The following OLFML2A variants were observed in gnomAD, a reference collection of about 807,000 sequenced individuals.
OLFML2A encodes the protein olfactomedin like 2A.
OLFML2A carries 47 observed loss-of-function variants against 60.9 expected under a neutral mutation model. The observed-to-expected ratio is 0.77, with a 90% CI of 0.61 to 0.98. The LOEUF (loss-of-function observed/expected upper bound fraction) is 0.98. Among genes scored for constraint, OLFML2A ranks in the 50% least tolerant of loss-of-function variants. OLFML2A has a pLI of 0.00. For missense variants in OLFML2A, 922 were observed against 879.8 expected, an observed-to-expected ratio of 1.05 and a Z score of -0.61; for synonymous variants, 372 against 375.0, an observed-to-expected ratio of 0.99 and a Z score of 0.09.
At chr9:124,805,800 T>G (rs1278143350) in intron 6 of OLFML2A, among the ~76,000 whole-genome samples, 1 of 138,728 alleles carries the variant, frequency 7.2e-6, no homozygotes, top group Non-Finnish European at 1.5e-5. Flanking sequence ...GTTGTTTTGG[T>G]TTTTTTGGTT....
chr9:124,808,081 C>T (rs1369803318), intron 7 of OLFML2A, 115 bp downstream of exon 7: 3 of 785,312 alleles, frequency 3.8e-6, no homozygotes, highest in East Asian at 5.2e-5. Flanking sequence ...GCTGGTTGAG[C>T]TCCAGATTGT....
At chr9:124,804,420 C>A (rs1841849572) in intron 6 of OLFML2A, 78 bp downstream of exon 6, 2 of 1,385,778 alleles carry the variant, frequency 1.4e-6, no homozygotes. Context: ...GTGAAGCCCT[C>A]AAGTTAAGAA....
intron 2 of OLFML2A, among the ~76,000 whole-genome samples, chr9:124,787,968 G>T (rs1212422684): frequency 6.6e-6 from 1 of 152,074 alleles, no homozygotes; most frequent in African/African-American, 2.4e-5. Context: ...CTCACATAAT[G>T]ATGGGCAGCC....
chr9:124,804,303 C>A lies in OLFML2A; in HGVS notation c.1129C>A (p.Pro377Thr), dbSNP rs138399306. Residue 377 changes from proline to threonine, a missense_variant, in exon 6 of 8, where the codon CCC becomes ACC. By Grantham distance (38) the Pro-to-Thr change is conservative. Coordinates refer to ENST00000373580, the MANE Select transcript of OLFML2A (RefSeq NM_182487.4). ...TTPTPTTSLL[P>T]TEPPSGPEVS... is the part of the protein sequence containing the mutation. ...CCCAACCCCCACCACCAGTCTCCTG[C>A]CCACCGAGCCACCTTCAGGTCCAGA... 119 of 1,546,578 alleles carry A rather than the reference C, an allele frequency of 7.7e-5. No individual in the cohort carries two copies. In the African/African-American group the frequency reaches 1.5e-3, roughly 19 times the overall value.
Position 124,810,099 on chromosome 9 carries a change from T to C in OLFML2A, c.1646T>C (p.Val549Ala), listed in dbSNP as rs1384422668. The change falls in exon 8 of 8, where the codon GTC (valine) becomes GCC (alanine). Residue 549 changes from valine (V) to alanine (A), a missense_variant. Val to Ala is a moderately conservative substitution (Grantham distance 64, BLOSUM62 0). Coordinates refer to ENST00000373580, the MANE Select transcript of OLFML2A (RefSeq NM_182487.4). ...DRDEAQPEVIVLSRLDPGDLS... is the reference protein window; with the variant it reads ...DRDEAQPEVIALSRLDPGDLS... ...GATGAGGCCCAGCCCGAGGTGATCGTCCTGAGTCGCTTGGACCCCGGCGAT... is the reference window on the plus strand; with the variant it reads ...GATGAGGCCCAGCCCGAGGTGATCGCCCTGAGTCGCTTGGACCCCGGCGAT... 6.2e-7 allele frequency: 1 copy of C among 1,613,694 alleles called. No homozygotes were observed. The highest frequency in any genetic ancestry group is 1.7e-5 in the Admixed American group (1 of 60,010).
At chr9:124,793,712 T>C (rs77322615) in intron 2 of OLFML2A, among the ~76,000 whole-genome samples, 1 of 152,196 alleles carries the variant, frequency 6.6e-6, no homozygotes. Context: ...CAGAGATTCA[T>C]GTGCAAGTGA....
At position 124,779,561 on chromosome 9, in the gene OLFML2A, T is replaced by G. The variant is rs1841323032; in HGVS notation, c.90+2201T>G. ...TGTGTGTGTGGTGGGGGGGGGGTGT[T>G]TAGCTGTCCCAGGACAAGCTGGGGC... On this transcript the variant is annotated intron_variant, in intron 1 of 7. Coordinates refer to ENST00000373580, the MANE Select transcript of OLFML2A (RefSeq NM_182487.4). This position sits in a 1 kb window ranked among gnomAD's most constrained non-coding sequence, Gnocchi z 4.1. Among the ~76,000 whole-genome samples, 1 of 151,534 alleles carries G rather than the reference T, an allele frequency of 6.6e-6. No homozygotes were observed. The highest frequency in any genetic ancestry group is 1.5e-5 in the Non-Finnish European group (1 of 67,882).
intron 1 of OLFML2A, among the ~76,000 whole-genome samples, chr9:124,786,749 GACACACACACACACACACACAC>G (rs3138850): frequency 9.2e-5 from 12 of 129,812 alleles, no homozygotes; most frequent in East Asian, 2.3e-4. Context: ...CAGAGACGTA[GACACACACACACACACACACAC>G]ACACACACAC....
At position 124,804,160 on chromosome 9, in the gene OLFML2A, C is replaced by T. The variant is rs111452025; in HGVS notation, c.986C>T (p.Ser329Phe). 18 of 1,613,850 alleles carry T rather than the reference C, an allele frequency of 1.1e-5. No homozygotes were observed. Among genetic ancestry groups the T allele is most frequent in the South Asian group, 5.5e-5 (5 of 91,076 alleles). ...CCCAAGGTGGAGGGCAGGTCCAACT[C>T]CGCAGAGCCCAACTCCGCAGAGCAG... ...LPPKVEGRSN[S>F]AEPNSAEQDE... The change falls in exon 6 of 8, where the codon TCC becomes TTC. Residue 329 changes from serine to phenylalanine, a missense_variant. Physicochemically the swap from Ser to Phe is radical, Grantham distance 155. Transcript: ENST00000373580.
At chr9:124,786,796 A>T (rs1841482075) in intron 1 of OLFML2A, among the ~76,000 whole-genome samples, 179 bp from the exon 2 acceptor site, 2 of 140,118 alleles carry the variant, frequency 1.4e-5, no homozygotes. Flanking sequence ...ACACACACAC[A>T]CAGAGTTGTT....
At chr9:124,797,699 C>G (rs1460652812) in intron 3 of OLFML2A, among the ~76,000 whole-genome samples, 1 of 152,168 alleles carries the variant, frequency 6.6e-6, no homozygotes, top group Non-Finnish European at 1.5e-5. Context: ...CGAAAGAATC[C>G]CAGATCTACT....
intron 2 of OLFML2A, among the ~76,000 whole-genome samples, chr9:124,788,435 G>A (rs913892388): frequency 3.3e-5 from 5 of 151,914 alleles, no homozygotes; most frequent in African/African-American, 1.2e-4. Flanking sequence ...GTGAAACCCT[G>A]TCTCTACTAA....
chr9:124,801,176 A>G (rs1841767762), intron 4 of OLFML2A: 1 of 1,053,536 alleles, frequency 9.5e-7, no homozygotes, highest in Non-Finnish European at 1.4e-6. Flanking sequence ...AATCTAACCT[A>G]TCAGGTTGGA....
chr9:124,790,065 A>C (rs1236465728), intron 2 of OLFML2A, among the ~76,000 whole-genome samples: 1 of 152,198 alleles, frequency 6.6e-6, no homozygotes, highest in Non-Finnish European at 1.5e-5. Flanking sequence ...CCTTGCTACA[A>C]CCCTTTGGAG....
At chr9:124,792,998 G>GC (rs1481905589) in intron 2 of OLFML2A, among the ~76,000 whole-genome samples, 2 of 152,136 alleles carry the variant, frequency 1.3e-5, no homozygotes, top group African/African-American at 4.8e-5. Context: ...ACAGCCTCCC[G>GC]CCCCCGTCTC....
chr9:124,787,225 C>A lies in OLFML2A; in HGVS notation c.341C>A (p.Pro114His). 6.2e-7 allele frequency: 1 copy of A among 1,613,994 alleles called. No homozygotes were observed. Among genetic ancestry groups the A allele is most frequent in the South Asian group, 1.1e-5 (1 of 91,084 alleles). The change falls in exon 2 of 8, where the codon CCC becomes CAC. Residue 114 changes from proline to histidine, a missense_variant. Transcript: ENST00000373580. ...WKMEKLKKQA[P>H]ELLKLQSMVD... ...ATGGAGAAACTCAAAAAGCAGGCGC[C>A]CGAGCTCCTCAAGGTAGACTTGGTG...
chr9:124,802,792 A>T (rs1245708232), intron 5 of OLFML2A, among the ~76,000 whole-genome samples: 2 of 152,210 alleles, frequency 1.3e-5, no homozygotes, highest in Non-Finnish European at 2.9e-5. Context: ...AAAAAGGAAG[A>T]AGTTATTGTC....
intron 2 of OLFML2A, among the ~76,000 whole-genome samples, chr9:124,793,578 T>C (rs750397753): frequency 4.6e-5 from 7 of 152,176 alleles, no homozygotes; most frequent in Non-Finnish European, 8.8e-5. Context: ...GGTTCTACCG[T>C]TGAACAGCTG....
chr9:124,804,095 C>G lies in OLFML2A; in HGVS notation c.921C>G (p.Asp307Glu), dbSNP rs564945864. ...GKQEVTEAVA[D>E]NTLQGTSWLE... Reference sequence around the variant, plus strand: ...AGCACAGGGGTCTTCTCTCTGCAGACAACACCCTCCAGGGCACTTCCTGGC... The same window carrying G: ...AGCACAGGGGTCTTCTCTCTGCAGAGAACACCCTCCAGGGCACTTCCTGGC... The change falls in exon 6 of 8, where the codon GAC becomes GAG. Residue 307 changes from aspartate to glutamate, a missense_variant and splice_region_variant. Transcript: ENST00000373580. 6.0e-5 allele frequency: 97 copies of G among 1,613,802 alleles called. No homozygotes were observed. The highest frequency in any genetic ancestry group is 7.9e-5 in the Non-Finnish European group (93 of 1,179,890).
Sources: allele counts gnomAD v4.1 joint callset (sites outside exome capture counted in the v4.1 genomes callset), GRCh38; gene constraint gnomAD v4.1.1; non-coding constraint Gnocchi (gnomAD v3.1); transcripts MANE v1.5; gene names NCBI Gene and HGNC (gene_info 2026-07-23, HGNC 2026-07-21).